The following DIAPH1 variants were observed in gnomAD, a reference collection of about 807,000 sequenced individuals.
The protein encoded by DIAPH1 is diaphanous related formin 1.
A neutral mutation model predicts 140.7 loss-of-function variants in DIAPH1; 46 were observed. That is an observed-to-expected ratio of 0.33 (90% CI 0.26 to 0.42). The LOEUF is 0.42. Ranked by LOEUF, DIAPH1 falls within the 10% of genes least tolerant of loss-of-function variation. The pLI is 1.00. For synonymous variants in DIAPH1, 565 were observed against 551.6 expected (o/e 1.02, Z -0.34); for missense variants, 1,310 against 1,558.7 (o/e 0.84, Z 2.69).
intron 18 of DIAPH1, among the ~76,000 whole-genome samples, chr5:141,562,855 G>C (rs1157445566): frequency 2.0e-5 from 3 of 152,154 alleles, no homozygotes; most frequent in Non-Finnish European, 4.4e-5. Flanking sequence ...TTGGGTTCTA[G>C]TATGTAGTAA....
At chr5:141,562,366 T>C (rs901763712) in intron 18 of DIAPH1, among the ~76,000 whole-genome samples, 4 of 152,144 alleles carry the variant, frequency 2.6e-5, no homozygotes, top group African/African-American at 4.8e-5. Flanking sequence ...CTCCAGGATA[T>C]AGAAGCAAGG....
In DIAPH1 at chr5:141,574,217, A is replaced by G. The variant is rs1291801608; in HGVS notation, c.1642-9T>C. The G allele has an allele frequency of 2.5e-6, 4 of 1,613,982 alleles. No homozygotes were observed. The highest frequency in any genetic ancestry group is 1.7e-4 in the Middle Eastern group (1 of 5,962). On this transcript the variant is annotated splice_polypyrimidine_tract_variant and intron_variant, in intron 15 of 27. Coordinates refer to ENST00000389054, the MANE Select transcript of DIAPH1 (RefSeq NM_005219.5). ...TTTGTCAGCTTGGCAACCTACAGAA[A>G]TAACATCAATGTGAGTACTTCTCAC...
intron 18 of DIAPH1, among the ~76,000 whole-genome samples, chr5:141,536,641 T>G (rs1233669654): frequency 6.6e-6 from 1 of 152,140 alleles, no homozygotes; most frequent in Non-Finnish European, 1.5e-5. Context: ...AAGATCTCAC[T>G]GTAAGTGACA....
chr5:141,555,646 C>T lies in DIAPH1; in HGVS notation c.2482+15782G>A, dbSNP rs151209026. 9.2e-5 allele frequency among the ~76,000 whole-genome samples: 14 copies of T among 152,254 alleles called. No individual in the cohort carries two copies. In the East Asian group the frequency reaches 2.7e-3, roughly 29 times the overall value. ...TCAAGGGCTGAGTAATTTCAGTTTACAGAATTGTGTGAAATAAGGGACCAA... is the reference window on the plus strand; with the variant it reads ...TCAAGGGCTGAGTAATTTCAGTTTATAGAATTGTGTGAAATAAGGGACCAA... On this transcript the variant is annotated intron_variant, in intron 18 of 27. Coordinates refer to ENST00000389054, the MANE Select transcript of DIAPH1 (RefSeq NM_005219.5).
chr5:141,604,848 C>G (rs1203511818), intron 1 of DIAPH1, among the ~76,000 whole-genome samples: 4 of 152,048 alleles, frequency 2.6e-5, no homozygotes, highest in Admixed American at 1.3e-4. Flanking sequence ...TGGCCCGGTA[C>G]ACATTCAGAA....
intron 8 of DIAPH1, among the ~76,000 whole-genome samples, chr5:141,580,514 T>C (rs745723858): frequency 6.6e-6 from 1 of 151,882 alleles, no homozygotes; most frequent in Non-Finnish European, 1.5e-5. Context: ...AATGGAGATA[T>C]AGGAGACATT....
At chr5:141,608,467 A>G (rs1226325547) in intron 1 of DIAPH1, among the ~76,000 whole-genome samples, 1 of 152,242 alleles carries the variant, frequency 6.6e-6, no homozygotes, top group Non-Finnish European at 1.5e-5. Context: ...CTAAGATCAC[A>G]GCCTTAGAGC....
chr5:141,526,843 C>A (rs563989966), intron 24 of DIAPH1, among the ~76,000 whole-genome samples: 1 of 139,718 alleles, frequency 7.2e-6, no homozygotes, highest in Non-Finnish European at 1.5e-5. Context: ...ACTACAGGCG[C>A]GCACCATCAC....
At position 141,559,963 on chromosome 5, in the gene DIAPH1, G is replaced by A. The variant is rs546040053; in HGVS notation, c.2482+11465C>T. ...ACTCAGTTTCAACAGTTATCCACTC[G>A]TGACCAATTCTGTTTCATCTACACC... On this transcript the variant is annotated intron_variant, in intron 18 of 27. Coordinates refer to ENST00000389054, the MANE Select transcript of DIAPH1 (RefSeq NM_005219.5). Among the ~76,000 whole-genome samples the A allele has an allele frequency of 7.8e-4, 118 of 152,002 alleles. 2 individuals are homozygous for A. In the Middle Eastern group the frequency reaches 0.01, roughly 13 times the overall value.
chr5:141,571,523 T>G, intron 17 of DIAPH1, 87 bp from the exon 18 acceptor site: 1 of 1,181,870 alleles, frequency 8.5e-7, no homozygotes, highest in Non-Finnish European at 1.2e-6. Flanking sequence ...TGGTTCTTGT[T>G]ACTGTAGACA....
chr5:141,517,463 G>A (rs1440014525), intron 27 of DIAPH1, among the ~76,000 whole-genome samples: 1 of 152,210 alleles, frequency 6.6e-6, no homozygotes, highest in African/African-American at 2.4e-5. Flanking sequence ...AGCCCTGGGA[G>A]GGTTGTCCCT....
At chr5:141,579,953 A>C (rs1241492200) in intron 8 of DIAPH1, among the ~76,000 whole-genome samples, 1 of 152,080 alleles carries the variant, frequency 6.6e-6, no homozygotes, top group Non-Finnish European at 1.5e-5. Flanking sequence ...GTCTCAAAAA[A>C]AAAAAAGGAA....
Position 141,516,818 on chromosome 5 carries a change from C to T in DIAPH1, c.*33G>A, listed in dbSNP as rs757222276. The T allele has an allele frequency of 9.3e-6, 15 of 1,612,996 alleles. No individual in the cohort carries two copies. The highest frequency in any genetic ancestry group is 2.2e-5 in the South Asian group (2 of 91,002). On this transcript the variant is annotated 3_prime_UTR_variant, in exon 28 of 28. Coordinates refer to ENST00000389054, the MANE Select transcript of DIAPH1 (RefSeq NM_005219.5). ...TGCAGGGCAGGACAGTCTGCGGCTCCGCTGAGGAGCTGCCGCGGTCACAGG... is the reference window on the plus strand; with the variant it reads ...TGCAGGGCAGGACAGTCTGCGGCTCTGCTGAGGAGCTGCCGCGGTCACAGG...
chr5:141,591,147 G>A (rs72792318), intron 1 of DIAPH1, among the ~76,000 whole-genome samples: 1 of 151,916 alleles, frequency 6.6e-6, no homozygotes, highest in Non-Finnish European at 1.5e-5. Flanking sequence ...AACAGATGAC[G>A]CTGCCTCAAT....
intron 14 of DIAPH1, 125 bp from the exon 15 acceptor site, chr5:141,575,271 C>T: frequency 1.1e-6 from 1 of 921,800 alleles, no homozygotes; most frequent in Non-Finnish European, 1.7e-6. Flanking sequence ...CCCACTGCCT[C>T]CTGTTCTGGG....
At chr5:141,603,736 A>G (rs1454631075) in intron 1 of DIAPH1, among the ~76,000 whole-genome samples, 1 of 152,218 alleles carries the variant, frequency 6.6e-6, no homozygotes, top group Non-Finnish European at 1.5e-5. Flanking sequence ...CTTATTTCCC[A>G]ATTATAATTA....
intron 18 of DIAPH1, among the ~76,000 whole-genome samples, chr5:141,561,384 G>A (rs1397520228): frequency 6.7e-6 from 1 of 148,848 alleles, no homozygotes; most frequent in Non-Finnish European, 1.5e-5. Flanking sequence ...TTTTTACATT[G>A]GAGTCTGTTT....
At chr5:141,586,548 T>C (rs1191870494) in intron 3 of DIAPH1, among the ~76,000 whole-genome samples, 1 of 152,256 alleles carries the variant, frequency 6.6e-6, no homozygotes, top group Non-Finnish European at 1.5e-5. Flanking sequence ...ACATATACTT[T>C]GTTACTTAGC....
At chr5:141,588,870 A>G (rs1011889727) in intron 1 of DIAPH1, 5 of 152,528 alleles carry the variant, frequency 3.3e-5, no homozygotes, top group African/African-American at 1.2e-4. Context: ...AACAATGCAA[A>G]TGGCCATCAA....
Sources: allele counts gnomAD v4.1 joint callset (sites outside exome capture counted in the v4.1 genomes callset), GRCh38; gene constraint gnomAD v4.1.1; transcripts MANE v1.5; gene names NCBI Gene and HGNC (gene_info 2026-07-23, HGNC 2026-07-21).